FZD6: variants seen among roughly 807,000 people sequenced by gnomAD.
The protein encoded by FZD6 is frizzled-6.
A neutral mutation model predicts 61.4 loss-of-function variants in FZD6; 49 were observed. The observed-to-expected ratio is 0.80, with a 90% CI of 0.63 to 1.01. FZD6 has a LOEUF of 1.01. Among genes scored for constraint, FZD6 ranks in the 50% least tolerant of loss-of-function variants. FZD6 has a pLI of 0.00. For missense variants in FZD6, 724 were observed against 848.2 expected, an observed-to-expected ratio of 0.85 and a Z score of 1.82; for synonymous variants, 265 against 292.2, an observed-to-expected ratio of 0.91 and a Z score of 0.95.
chr8:103,314,404 C>T (rs540230066), intron 2 of FZD6, among the ~76,000 whole-genome samples: 26 of 152,194 alleles, frequency 1.7e-4, no homozygotes, highest in South Asian at 8.3e-4. Flanking sequence ...TACTAGTTGC[C>T]CGCAGCTCCC....
At position 103,329,759 on chromosome 8, in the gene FZD6, A is replaced by C; in HGVS notation, c.1646A>C (p.His549Pro). ...HKKKHYKPSS[H>P]KLKVISKSMG... ...AAGAAGCACTATAAACCAAGTTCAC[A>C]CAAGCTGAAGGTCATTTCCAAATCC... Residue 549 changes from histidine to proline, a missense_variant, in exon 6 of 7, where the codon CAC becomes CCC. Transcript: ENST00000358755. The C allele has an allele frequency of 6.2e-7, 1 of 1,614,026 alleles. No individual in the cohort carries two copies. Among genetic ancestry groups the C allele is most frequent in the Non-Finnish European group, 8.5e-7 (1 of 1,179,886 alleles).
intron 1 of FZD6, among the ~76,000 whole-genome samples, chr8:103,299,418 G>A (rs1390913802): frequency 6.6e-6 from 1 of 152,212 alleles, no homozygotes; most frequent in African/African-American, 2.4e-5. Flanking sequence ...CCTAGCCAGT[G>A]AAAACTGCAA....
intron 2 of FZD6, among the ~76,000 whole-genome samples, chr8:103,314,921 A>G (rs1814588299): frequency 6.6e-6 from 1 of 152,202 alleles, no homozygotes; most frequent in Non-Finnish European, 1.5e-5. Context: ...TGCATTTCAA[A>G]GTATATGTGT....
intron 3 of FZD6, 50 bp downstream of exon 3, chr8:103,318,836 A>G (rs1814703823): frequency 3.0e-6 from 3 of 990,492 alleles, no homozygotes; most frequent in Admixed American, 3.4e-5. Flanking sequence ...TACTACTGGT[A>G]CTAGCTCTCT....
At chr8:103,323,856 G>A (rs1814862516) in intron 3 of FZD6, among the ~76,000 whole-genome samples, 1 of 152,086 alleles carries the variant, frequency 6.6e-6, no homozygotes, top group Admixed American at 6.5e-5. Context: ...CATAAACAAG[G>A]GAGGCAAAGA....
intron 2 of FZD6, among the ~76,000 whole-genome samples, chr8:103,312,096 C>T (rs768914437): frequency 3.3e-5 from 5 of 152,062 alleles, no homozygotes; most frequent in African/African-American, 2.4e-5. Flanking sequence ...CTGTTTTTCA[C>T]GATAGAGATG....
At chr8:103,329,533 A>G (rs1815058090) in intron 5 of FZD6, 122 bp from the exon 6 acceptor site, 2 of 655,630 alleles carry the variant, frequency 3.1e-6, no homozygotes, top group Non-Finnish European at 5.3e-6. Context: ...AATATAAACC[A>G]TAGAATTTTC....
chr8:103,306,565 G>A (rs528035462), intron 2 of FZD6, among the ~76,000 whole-genome samples: 13 of 132,044 alleles, frequency 9.8e-5, no homozygotes, highest in Non-Finnish European at 1.7e-4. Flanking sequence ...GTGCAGTGGC[G>A]CCATCTCGCT....
intron 6 of FZD6, among the ~76,000 whole-genome samples, chr8:103,330,985 G>C (rs1563695896): frequency 6.6e-6 from 1 of 152,132 alleles, no homozygotes; most frequent in Non-Finnish European, 1.5e-5. Flanking sequence ...AGACCATTCT[G>C]GCTAACATGG....
rs148024750 is a variant in FZD6, at chr8:103,328,540, C to T, written c.1541+124C>T. The T allele has an allele frequency of 1.4e-5, 12 of 844,966 alleles. No homozygotes were observed. In the East Asian group the frequency reaches 2.1e-4, roughly 15 times the overall value. 52.3% of individuals were successfully genotyped at this position (844,966 alleles called of 1,614,324 possible). On this transcript the variant is annotated intron_variant, in intron 5 of 6. Transcript: ENST00000358755. ...CTATTATTTCAATTTGATTTGCCAACTGAAGTTTGGAAATTTTTTTTATGA... is the reference window on the plus strand; with the variant it reads ...CTATTATTTCAATTTGATTTGCCAATTGAAGTTTGGAAATTTTTTTTATGA...
intron 2 of FZD6, among the ~76,000 whole-genome samples, chr8:103,312,313 GT>G (rs1230426123): frequency 6.6e-6 from 1 of 152,186 alleles, no homozygotes; most frequent in Non-Finnish European, 1.5e-5. Context: ...TATTAGATGA[GT>G]TTTTTGAGAA....
chr8:103,304,007 G>C (rs1814256146), intron 2 of FZD6, among the ~76,000 whole-genome samples: 2 of 151,680 alleles, frequency 1.3e-5, no homozygotes, highest in Admixed American at 6.6e-5. Context: ...TTGTAACTTG[G>C]CTTTTACTAA....
At chr8:103,328,996 AGTAATTCATTTTAGTTT>A (rs1815039127) in intron 5 of FZD6, among the ~76,000 whole-genome samples, 2 of 66,162 alleles carry the variant, frequency 3.0e-5, no homozygotes, top group African/African-American at 9.9e-5. Flanking sequence ...TATATTTATG[AGTAATTCATTTTAGTTT>A]TATATATATA....
chr8:103,316,167 T>C (rs989645346), intron 2 of FZD6, among the ~76,000 whole-genome samples: 1 of 152,242 alleles, frequency 6.6e-6, no homozygotes, highest in African/African-American at 2.4e-5. Flanking sequence ...ATTTTTTTAA[T>C]ACCCTCCCAA....
At chr8:103,320,035 T>C (rs1433916529) in intron 3 of FZD6, among the ~76,000 whole-genome samples, 1 of 152,156 alleles carries the variant, frequency 6.6e-6, no homozygotes, top group Non-Finnish European at 1.5e-5. Flanking sequence ...CAAGCATAGA[T>C]GACATTTTGG....
intron 4 of FZD6, among the ~76,000 whole-genome samples, chr8:103,326,088 T>G (rs1255270363): frequency 6.6e-6 from 1 of 152,186 alleles, no homozygotes; most frequent in East Asian, 1.9e-4. Context: ...ATATAAAATT[T>G]CTTAAAGCAT....
In FZD6 at chr8:103,300,192, G is replaced by T. The variant is rs150839394; in HGVS notation, c.85G>T (p.Val29Phe). ...TCTCTTCACCTGTGAACCAATTACT[G>T]TTCCCAGATGTATGAAAATGGCCTA... Reference protein sequence around the residue: ...HSLFTCEPITVPRCMKMAYNM... With the variant: ...HSLFTCEPITFPRCMKMAYNM... The change falls in exon 2 of 7, where the codon GTT becomes TTT. Residue 29 changes from valine to phenylalanine, a missense_variant. Transcript: ENST00000358755. 1.2e-6 allele frequency: 2 copies of T among 1,603,950 alleles called. No individual in the cohort carries two copies. The highest frequency in any genetic ancestry group is 2.7e-5 in the African/African-American group (2 of 74,736).
intron 3 of FZD6, among the ~76,000 whole-genome samples, chr8:103,319,134 G>A (rs3133827): frequency 0.3 from 45,276 of 152,098 alleles, 7,901 homozygotes; most frequent in African/African-American, 0.48. Flanking sequence ...GAAAGGGGAA[G>A]GAAATGACTG....
At chr8:103,312,418 AGGAAC>A (rs1476074468) in intron 2 of FZD6, among the ~76,000 whole-genome samples, 1 of 152,224 alleles carries the variant, frequency 6.6e-6, no homozygotes, top group Non-Finnish European at 1.5e-5. Flanking sequence ...GGTGAGTAAA[AGGAAC>A]AGACTGATGC....
Sources: allele counts gnomAD v4.1 joint callset (sites outside exome capture counted in the v4.1 genomes callset), GRCh38; gene constraint gnomAD v4.1.1; transcripts MANE v1.5; gene names NCBI Gene and HGNC (gene_info 2026-07-23, HGNC 2026-07-21).